The following SLC71A2 variants were observed in gnomAD, a reference collection of about 807,000 sequenced individuals.
SLC71A2 encodes the protein hippocampus abundant transcript-like 1.
At chr9:94,402,719 A>G in the SLC71A2 span, among the ~76,000 whole-genome samples, 2 of 152,176 alleles carry the variant, frequency 1.3e-5, no homozygotes, top group Non-Finnish European at 2.9e-5. Context: ...CACTATATCA[A>G]CTTTTTCTTG....
chr9:94,397,693 G>A, the SLC71A2 span, among the ~76,000 whole-genome samples: 1,599 of 152,172 alleles, frequency 0.011, 27 homozygotes, highest in African/African-American at 0.036. Flanking sequence ...CTGATGTCCT[G>A]GACAGTGTTG....
the SLC71A2 span, among the ~76,000 whole-genome samples, chr9:94,456,873 C>T: frequency 4.6e-5 from 7 of 152,202 alleles, no homozygotes; most frequent in East Asian, 1.4e-3. Context: ...CCATCTAGAT[C>T]CATATCCCAT....
At chr9:94,440,472 T>A in the SLC71A2 span, among the ~76,000 whole-genome samples, 4 of 151,958 alleles carry the variant, frequency 2.6e-5, no homozygotes, top group African/African-American at 9.7e-5. Context: ...TATTTTTCTA[T>A]CCTGGAGTAA....
At chr9:94,381,540 G>A in the SLC71A2 span, among the ~76,000 whole-genome samples, 2 of 152,100 alleles carry the variant, frequency 1.3e-5, no homozygotes, top group Admixed American at 1.3e-4. Context: ...ATGGACTTTC[G>A]GCTTCTCACC....
chr9:94,434,998 C>A, the SLC71A2 span, among the ~76,000 whole-genome samples: 1 of 152,300 alleles, frequency 6.6e-6, no homozygotes, highest in Admixed American at 6.5e-5. Context: ...TTTTTTACTA[C>A]AGCTCAGTAT....
At chr9:94,399,603 C>G in the SLC71A2 span, among the ~76,000 whole-genome samples, 1 of 152,166 alleles carries the variant, frequency 6.6e-6, no homozygotes, top group African/African-American at 2.4e-5. Context: ...AACCTGGCTT[C>G]CACCATCTGC....
chr9:94,386,554 T>C, the SLC71A2 span, among the ~76,000 whole-genome samples: 1 of 152,098 alleles, frequency 6.6e-6, no homozygotes, highest in Non-Finnish European at 1.5e-5. Flanking sequence ...GCTGAATTCT[T>C]GAAGTGGATC....
the SLC71A2 span, among the ~76,000 whole-genome samples, chr9:94,391,615 T>C: frequency 6.6e-6 from 1 of 151,252 alleles, no homozygotes; most frequent in East Asian, 1.9e-4. Flanking sequence ...TGGCCAGGTG[T>C]GGGGGCTCAG....
the SLC71A2 span, among the ~76,000 whole-genome samples, chr9:94,400,537 G>T: frequency 4.4e-5 from 6 of 136,866 alleles, no homozygotes; most frequent in Admixed American, 1.5e-4. Context: ...GATAATATTT[G>T]TTGCCTATGA....
At chr9:94,460,056 A>C in the SLC71A2 span, 1 of 152,552 alleles carries the variant, frequency 6.6e-6, no homozygotes, top group African/African-American at 2.4e-5. Context: ...TACCTTTACT[A>C]GATGAAAGAA....
At chr9:94,381,943 C>A in the SLC71A2 span, among the ~76,000 whole-genome samples, 1 of 152,192 alleles carries the variant, frequency 6.6e-6, no homozygotes, top group Non-Finnish European at 1.5e-5. Flanking sequence ...TTTAGCCCTT[C>A]CAATTGGTCT....
chr9:94,404,755 T>C, the SLC71A2 span, among the ~76,000 whole-genome samples: 52 of 152,370 alleles, frequency 3.4e-4, 1 homozygote, highest in African/African-American at 1.2e-3. Flanking sequence ...ATCAGATATG[T>C]GATTTGCATG....
chr9:94,459,077 GT>G, the SLC71A2 span: 63 of 1,408,392 alleles, frequency 4.5e-5, no homozygotes, highest in Non-Finnish European at 4.7e-5. Flanking sequence ...TTGGTGGTGT[GT>G]TTTTTTTGGG....
At chr9:94,384,414 G>C in the SLC71A2 span, among the ~76,000 whole-genome samples, 1 of 148,964 alleles carries the variant, frequency 6.7e-6, no homozygotes, top group African/African-American at 2.5e-5. Flanking sequence ...TCACGGCTCA[G>C]TGGAGCCTCG....
chr9:94,456,765 G>GTT, the SLC71A2 span, among the ~76,000 whole-genome samples: 1 of 152,132 alleles, frequency 6.6e-6, no homozygotes, highest in African/African-American at 2.4e-5. Context: ...TTAGAAAATA[G>GTT]TTTGAGAGTA....
the SLC71A2 span, among the ~76,000 whole-genome samples, chr9:94,455,398 T>TTTTTTTTTTTTTTTTTTTTTTTG: frequency 7.8e-6 from 1 of 127,552 alleles, no homozygotes; most frequent in Admixed American, 7.6e-5. Context: ...TTTTTTTTTT[T>TTTTTTTTTTTTTTTTTTTTTTTG]GTAAAGACAA....
the SLC71A2 span, among the ~76,000 whole-genome samples, chr9:94,430,338 T>G: frequency 6.6e-6 from 1 of 152,032 alleles, no homozygotes; most frequent in African/African-American, 2.4e-5. Flanking sequence ...TTCTCCTGCC[T>G]TAGTCTTCTG....
chr9:94,410,551 G>A, the SLC71A2 span, among the ~76,000 whole-genome samples: 1 of 151,870 alleles, frequency 6.6e-6, no homozygotes. Flanking sequence ...ATGTTGCATT[G>A]TATAAATGTT....
chr9:94,409,556 C>G, the SLC71A2 span, among the ~76,000 whole-genome samples: 7 of 152,258 alleles, frequency 4.6e-5, no homozygotes, highest in African/African-American at 9.6e-5. Context: ...TAGTTTCTTA[C>G]AGTGGAAAGT....
Sources: allele counts gnomAD v4.1 joint callset (sites outside exome capture counted in the v4.1 genomes callset), GRCh38; gene constraint gnomAD v4.1.1; transcripts MANE v1.5; gene names NCBI Gene and HGNC (gene_info 2026-07-23, HGNC 2026-07-21).